Variants in ZNF385D observed in about 807,000 individuals in gnomAD.
ZNF385D encodes the protein zinc finger protein 659.
Under a neutral mutation model 35.8 loss-of-function variants are expected in ZNF385D, and 15 were observed. The observed-to-expected ratio is 0.42, with a 90% CI of 0.28 to 0.64. The LOEUF (loss-of-function observed/expected upper bound fraction) is 0.64. Among genes scored for constraint, ZNF385D ranks in the 30% least tolerant of loss-of-function variants. ZNF385D has a pLI of 0.23. For missense variants in ZNF385D, 474 were observed against 494.6 expected (o/e 0.96, Z 0.39); for synonymous variants, 212 against 186.8 (o/e 1.13, Z -1.10).
At chr3:21,818,268 A>T (rs532867604) in intron 3 of ZNF385D, among the ~76,000 whole-genome samples, 196 of 152,352 alleles carry the variant, frequency 1.3e-3, no homozygotes, top group Non-Finnish European at 2.2e-3. Flanking sequence ...AACATGGCAC[A>T]TGTATACATA....
At chr3:22,200,254 G>T (rs753725435) in intron 2 of ZNF385D, among the ~76,000 whole-genome samples, 14 of 151,966 alleles carry the variant, frequency 9.2e-5, no homozygotes, top group East Asian at 1.9e-4. Flanking sequence ...TAGTCATGTT[G>T]GTTCTTTTCT....
chr3:21,890,280 AAAG>A (rs1428008958), intron 3 of ZNF385D, among the ~76,000 whole-genome samples: 1 of 152,192 alleles, frequency 6.6e-6, no homozygotes, highest in Non-Finnish European at 1.5e-5. Context: ...CTTAAGACTA[AAAG>A]AAGTGGGAAA....
intron 2 of ZNF385D, among the ~76,000 whole-genome samples, chr3:22,369,461 C>T (rs898465157): frequency 4.6e-5 from 7 of 152,042 alleles, no homozygotes; most frequent in Non-Finnish European, 7.4e-5. Flanking sequence ...ATAAAAACCT[C>T]CTTAACTACT....
intron 2 of ZNF385D, among the ~76,000 whole-genome samples, chr3:22,325,547 T>C (rs1007607211): frequency 2.0e-5 from 3 of 152,132 alleles, no homozygotes; most frequent in African/African-American, 7.2e-5. Flanking sequence ...GCTGATCATT[T>C]GAGGCCAGGA....
chr3:21,665,010 G>C lies in ZNF385D; in HGVS notation c.41C>G (p.Pro14Arg). The C allele has an allele frequency of 6.2e-7, 1 of 1,612,014 alleles. No individual in the cohort carries two copies. The highest frequency in any genetic ancestry group is 8.5e-7 in the Non-Finnish European group (1 of 1,178,914). ...IMYFGGTCQS[P>R]ALPALVRPPA... ...TGGACGGACAAGGGCCGGGAGAGCAGGACTCTGGCATGTACCACCTGTGAA... is the reference window on the plus strand; with the variant it reads ...TGGACGGACAAGGGCCGGGAGAGCACGACTCTGGCATGTACCACCTGTGAA... The change falls in exon 2 of 8, where the codon CCT becomes CGT. Residue 14 changes from proline (P) to arginine (R), a missense_variant. Physicochemically the swap from Pro to Arg is moderately radical, Grantham distance 103 (BLOSUM62 -2). Transcript: ENST00000281523.
intron 2 of ZNF385D, among the ~76,000 whole-genome samples, chr3:22,300,090 G>T (rs1416950948): frequency 1.3e-5 from 2 of 151,838 alleles, no homozygotes; most frequent in East Asian, 3.9e-4. Flanking sequence ...AAACAGCATG[G>T]TACTGGCATA....
intron 3 of ZNF385D, among the ~76,000 whole-genome samples, chr3:22,031,358 C>G (rs78204837): frequency 0.027 from 4,176 of 152,128 alleles, 217 homozygotes; most frequent in African/African-American, 0.096. Flanking sequence ...GTCTGGACAT[C>G]CAGGTATTTG....
chr3:22,036,629 C>A (rs73137174), intron 3 of ZNF385D, among the ~76,000 whole-genome samples: 1 of 149,272 alleles, frequency 6.7e-6, no homozygotes, highest in African/African-American at 2.5e-5. Flanking sequence ...TTACAAATTG[C>A]AAAAACAAGC....
In ZNF385D at chr3:21,632,343, A is replaced by G. The variant is rs190727916; in HGVS notation, c.165+32543T>C. On this transcript the variant is annotated intron_variant, in intron 2 of 7. Transcript: ENST00000281523. ...ACAAAATTGGTAAGTTTTAACTAAA[A>G]GTGACCAATTTGAGACTGGCTTTCT... Among the ~76,000 whole-genome samples, 124 of 152,272 alleles carry G rather than the reference A, an allele frequency of 8.1e-4. 1 individual carries two copies. Among genetic ancestry groups the G allele is most frequent in the South Asian group, 3.3e-3 (16 of 4,830 alleles).
At chr3:21,441,384 C>A (rs1386783967) in intron 4 of ZNF385D, among the ~76,000 whole-genome samples, 1 of 152,146 alleles carries the variant, frequency 6.6e-6, no homozygotes, top group Non-Finnish European at 1.5e-5. Flanking sequence ...TGGGAACTTG[C>A]CCAACGCCAG....
chr3:22,164,420 G>C (rs1007403404), intron 3 of ZNF385D, among the ~76,000 whole-genome samples: 1 of 151,346 alleles, frequency 6.6e-6, no homozygotes, highest in African/African-American at 2.4e-5. Flanking sequence ...GTAGAGACGG[G>C]GTTTCACCAT....
chr3:21,421,134 A>T lies in ZNF385D; in HGVS notation c.*80T>A, dbSNP rs190977262. 4.7e-4 allele frequency: 547 copies of T among 1,169,494 alleles called. 1 individual carries two copies. In the Middle Eastern group the frequency reaches 5.0e-3, roughly 11 times the overall value. 72.4% of individuals were successfully genotyped at this position (1,169,494 alleles called of 1,614,324 possible). A position where few individuals can be genotyped will look rare whatever the true frequency, so the allele number is the denominator to read the frequency against. ...CAGATATACTTTAAACTATAAATAA[A>T]CACTGCATAGTTCTCTTTTGTTTGT... is the stretch of plus-strand genomic sequence containing the variant. On this transcript the variant is annotated 3_prime_UTR_variant, in exon 8 of 8. Transcript: ENST00000281523.
chr3:21,593,202 ACT>A (rs1399014342), intron 2 of ZNF385D, among the ~76,000 whole-genome samples: 1 of 151,946 alleles, frequency 6.6e-6, no homozygotes, highest in Non-Finnish European at 1.5e-5. Flanking sequence ...TACAATGAGG[ACT>A]CTGGCTATCT....
intron 3 of ZNF385D, among the ~76,000 whole-genome samples, chr3:21,921,254 C>T (rs1200804854): frequency 1.4e-5 from 2 of 145,926 alleles, no homozygotes; most frequent in East Asian, 2.0e-4. Context: ...TACTGAAGAA[C>T]GAAGCATCAA....
At position 21,912,392 on chromosome 3, in the gene ZNF385D, A is replaced by C. The variant is rs1461706279; in HGVS notation, c.326-247364T>G. Among the ~76,000 whole-genome samples the C allele has an allele frequency of 2.0e-5, 3 of 152,046 alleles. No individual in the cohort carries two copies. The East Asian group carries it at 5.8e-4, about 29-fold the overall frequency. On this transcript the variant is annotated intron_variant, in intron 3 of 5. Transcript: ENST00000494108. ...GTTAACATCAAGTTTTAAGAGGGTA[A>C]TCTCTTACAATATTTAGAGAGACAA...
chr3:21,542,419 C>G (rs985172343), intron 3 of ZNF385D, among the ~76,000 whole-genome samples: 3 of 150,848 alleles, frequency 2.0e-5, no homozygotes, highest in Admixed American at 1.3e-4. Context: ...GTGATCAGTA[C>G]CCATTGCAAC....
intron 3 of ZNF385D, among the ~76,000 whole-genome samples, chr3:21,909,408 C>A (rs1699851488): frequency 6.6e-6 from 1 of 151,944 alleles, no homozygotes; most frequent in South Asian, 2.1e-4. Context: ...CAAGAGAGAC[C>A]AAATATGACT....
chr3:21,941,727 G>C (rs1308850761), intron 3 of ZNF385D, among the ~76,000 whole-genome samples: 6 of 151,898 alleles, frequency 4.0e-5, no homozygotes, highest in Admixed American at 3.3e-4. Flanking sequence ...TCGATCTCCT[G>C]ACCTCGTGAT....
chr3:21,976,816 C>A (rs544066468), intron 3 of ZNF385D, among the ~76,000 whole-genome samples: 19 of 152,224 alleles, frequency 1.2e-4, no homozygotes, highest in Middle Eastern at 3.4e-3. Context: ...CATGGTGAAA[C>A]CCCATCTCTG....
Sources: allele counts gnomAD v4.1 joint callset (sites outside exome capture counted in the v4.1 genomes callset), GRCh38; gene constraint gnomAD v4.1.1; transcripts MANE v1.5; gene names NCBI Gene and HGNC (gene_info 2026-07-23, HGNC 2026-07-21).